RFPL4B: variants seen among roughly 807,000 people sequenced by gnomAD.
RFPL4B encodes the protein ret finger protein-like 4B.
For missense variants in RFPL4B, 314 were observed against 327.7 expected (o/e 0.96, Z 0.32); for synonymous variants, 118 against 126.3 (o/e 0.93, Z 0.44).
At position 112,349,908 on chromosome 6, in the gene RFPL4B, G is replaced by A; in HGVS notation, c.200G>A (p.Ser67Asn). 1 of 1,614,140 alleles carries A rather than the reference G, an allele frequency of 6.2e-7. No homozygotes were observed. The highest frequency in any genetic ancestry group is 8.5e-7 in the Non-Finnish European group (1 of 1,180,006). The part of the protein sequence containing the change: ...KVPALEEWQV[S>N]VLTLMTKQHN... The stretch of plus-strand genomic sequence containing the variant: ...CCTGCTTTGGAAGAATGGCAAGTGA[G>A]CGTCCTAACACTTATGACCAAGCAG... The change falls in exon 3 of 3, where the codon AGC becomes AAC. Residue 67 changes from serine to asparagine, a missense_variant. Coordinates refer to ENST00000441065, the MANE Select transcript of RFPL4B (RefSeq NM_001013734.3).
rs1789118687 is a variant in RFPL4B, at chr6:112,349,222, C to CT, written c.-204dup. The CT allele has an allele frequency of 6.6e-6, 1 of 152,150 alleles. No individual in the cohort carries two copies. Among genetic ancestry groups the CT allele is most frequent in the Admixed American group, 6.6e-5 (1 of 15,264 alleles). 9.4% of individuals were successfully genotyped at this position (152,150 alleles called of 1,614,324 possible). On this transcript the variant is annotated 5_prime_UTR_variant, in exon 2 of 3. Transcript: ENST00000441065. ...TCTACAAAGAAATACTGAGTGGAGA[C>CT]TATACTGAGATTCTGTTAAAGACCC...
rs773290493 is a variant in RFPL4B at position 112,349,731 on chromosome 6, A to AC, written c.23_24insC (p.Glu8AspfsTer26). On this transcript the variant is annotated frameshift_variant, in exon 3 of 3. Coordinates refer to ENST00000441065, the MANE Select transcript of RFPL4B (RefSeq NM_001013734.3). LOFTEE classifies it low-confidence loss of function (END_TRUNC). ...ACCATGGCCAAACGCCTGCAAGCAGAGTTGTCCTGTCCAGTTTGCCTGGAT... is the reference window on the plus strand; with the variant it reads ...ACCATGGCCAAACGCCTGCAAGCAGACGTTGTCCTGTCCAGTTTGCCTGGAT... 6.6e-5 allele frequency: 107 copies of AC among 1,613,828 alleles called. No individual in the cohort carries two copies. The highest frequency in any genetic ancestry group is 8.8e-5 in the Non-Finnish European group (104 of 1,179,962).
At chr6:112,347,470 G>C (rs1430399848) in intron 1 of RFPL4B, 63 bp downstream of exon 1, 3 of 152,182 alleles carry the variant, frequency 2.0e-5, no homozygotes, top group Non-Finnish European at 4.4e-5. Flanking sequence ...CTACAAACTG[G>C]TGTTTTCGAA....
In RFPL4B at chr6:112,350,364, A is replaced by C; in HGVS notation, c.656A>C (p.Gln219Pro). The part of the protein sequence containing the change: ...IFLDADLEEI[Q>P]FFDVDNNVLI... ...CTGGATGCTGACTTAGAAGAAATCC[A>C]GTTTTTTGATGTTGACAATAATGTC... The change falls in exon 3 of 3, where the codon CAG (glutamine) becomes CCG (proline). Residue 219 changes from glutamine (Q) to proline (P), a missense_variant. Transcript: ENST00000441065. 1.2e-6 allele frequency: 2 copies of C among 1,614,234 alleles called. No individual in the cohort carries two copies. The highest frequency in any genetic ancestry group is 2.2e-5 in the South Asian group (2 of 91,086).
Position 112,351,104 on chromosome 6 carries a change from A to C in RFPL4B, c.*604A>C, listed in dbSNP as rs1488200174. The C allele has an allele frequency of 7.8e-5, 13 of 167,138 alleles. No individual in the cohort carries two copies. The highest frequency in any genetic ancestry group is 2.9e-5 in the Non-Finnish European group (2 of 68,150). The allele number at this position is 167,138 out of a possible 1,614,324, so 10.4% of individuals were successfully genotyped here. On this transcript the variant is annotated 3_prime_UTR_variant, in exon 3 of 3. Transcript: ENST00000441065. ...AGACAAAGAACTTTGACCAAAATGC[A>C]TTGTTAATGGTGATTCATATTCTTA...
rs137941934 is a variant in RFPL4B at position 112,350,191 on chromosome 6, C to T, written c.483C>T (p.Gly161=). 17 of 1,614,174 alleles carry T rather than the reference C, an allele frequency of 1.1e-5. No homozygotes were observed. The highest frequency in any genetic ancestry group is 4.0e-5 in the African/African-American group (3 of 75,040). ...GAGAGGTGAAGTCATGGTCCCTGGGCGTCTGCAAGGAGCCGGCTGACAGAA... is the reference window on the plus strand; with the variant it reads ...GAGAGGTGAAGTCATGGTCCCTGGGTGTCTGCAAGGAGCCGGCTGACAGAA... ...EVGEVKSWSL[G]VCKEPADRKS... Residue 161 remains glycine (G), a synonymous_variant, in exon 3 of 3, where the codon GGC becomes GGT. Transcript: ENST00000441065.
Position 112,350,075 on chromosome 6 carries a change from C to T in RFPL4B, c.367C>T (p.His123Tyr). 6.2e-7 allele frequency: 1 copy of T among 1,614,172 alleles called. No homozygotes were observed. Among genetic ancestry groups the T allele is most frequent in the Non-Finnish European group, 8.5e-7 (1 of 1,180,032 alleles). The change falls in exon 3 of 3, where the codon CAC (histidine) becomes TAC (tyrosine). Residue 123 changes from histidine to tyrosine, a missense_variant. Coordinates refer to ENST00000441065, the MANE Select transcript of RFPL4B (RefSeq NM_001013734.3). The stretch of plus-strand genomic sequence containing the variant: ...AAGAAGCGCTCAGTGTAAGAAGATC[C>T]ACCACGATCTGACAAAAGATCCCAG... Reference protein sequence around the residue: ...DLRSAQCKKIHHDLTKDPRLA... With the variant: ...DLRSAQCKKIYHDLTKDPRLA...
chr6:112,347,899 G>A (rs1333404027), intron 1 of RFPL4B, among the ~76,000 whole-genome samples: 3 of 152,172 alleles, frequency 2.0e-5, no homozygotes, highest in Non-Finnish European at 2.9e-5. Context: ...GCTTGAACCC[G>A]GGAGGCAGAG....
Position 112,350,769 on chromosome 6 carries a change from CTCAG to C in RFPL4B, c.*273_*276del, listed in dbSNP as rs1789144181. ...AGTCTGTAGATGCGGATAATTGTAT[CTCAG>C]TCAAACAGCTGTGGTAATTAGAGAC... On this transcript the variant is annotated 3_prime_UTR_variant, in exon 3 of 3. Transcript: ENST00000441065. 8.4e-6 allele frequency: 3 copies of C among 355,448 alleles called. No individual in the cohort carries two copies. Among genetic ancestry groups the C allele is most frequent in the Admixed American group, 8.5e-5 (2 of 23,528 alleles). 22.0% of individuals were successfully genotyped at this position (355,448 alleles called of 1,614,324 possible).
chr6:112,350,423 G>C lies in RFPL4B; in HGVS notation c.715G>C (p.Glu239Gln), dbSNP rs750842107. The change falls in exon 3 of 3, where the codon GAG (glutamate) becomes CAG (glutamine). Residue 239 changes from glutamate to glutamine, a missense_variant. By Grantham distance (29) the Glu-to-Gln change is conservative. Transcript: ENST00000441065. ...TACACATGATGGTTTCTTCTCTTTGGAGCTTTTGTGTCCATTCTTCTGTCT... is the reference window on the plus strand; with the variant it reads ...TACACATGATGGTTTCTTCTCTTTGCAGCTTTTGTGTCCATTCTTCTGTCT... The part of the protein sequence containing the change: ...IYTHDGFFSL[E>Q]LLCPFFCLEL... 1.9e-6 allele frequency: 3 copies of C among 1,613,492 alleles called. No individual in the cohort carries two copies. In the Admixed American group the frequency reaches 5.0e-5, roughly 27 times the overall value.
rs1027699207 is a variant in RFPL4B at position 112,348,486 on chromosome 6, G to A, written c.-234-707G>A. 4.6e-5 allele frequency among the ~76,000 whole-genome samples: 7 copies of A among 152,220 alleles called. No individual in the cohort carries two copies. In the South Asian group the frequency reaches 1.2e-3, roughly 27 times the overall value. On this transcript the variant is annotated intron_variant, in intron 1 of 2. Transcript: ENST00000441065. ...GATGTAGGACAGTTCTAGTAACTCA[G>A]TCTTAGGCTGGCCTCATCGGTGTTC...
intron 1 of RFPL4B, among the ~76,000 whole-genome samples, chr6:112,348,342 A>T (rs1472424261): frequency 1.3e-5 from 2 of 152,194 alleles, no homozygotes; most frequent in Admixed American, 6.5e-5. Context: ...ACAAAGTTTT[A>T]TGTGGGCAGA....
intron 1 of RFPL4B, among the ~76,000 whole-genome samples, chr6:112,348,843 G>T (rs1412263760): frequency 6.6e-6 from 1 of 152,200 alleles, no homozygotes; most frequent in East Asian, 1.9e-4. Flanking sequence ...AGCAGTTGGG[G>T]TAACAGGAGG....
At position 112,349,929 on chromosome 6, in the gene RFPL4B, A is replaced by G. The variant is rs1394075877; in HGVS notation, c.221A>G (p.Lys74Arg). 6.2e-7 allele frequency: 1 copy of G among 1,614,112 alleles called. No individual in the cohort carries two copies. Among genetic ancestry groups the G allele is most frequent in the East Asian group, 2.2e-5 (1 of 44,902 alleles). ...GTGAGCGTCCTAACACTTATGACCA[A>G]GCAGCACAATAGCCGACTTGAGCAA... ...WQVSVLTLMT[K>R]QHNSRLEQSL... The change falls in exon 3 of 3, where the codon AAG becomes AGG. Residue 74 changes from lysine (K) to arginine (R), a missense_variant. By Grantham distance (26) the Lys-to-Arg change is conservative. Transcript: ENST00000441065.
At chr6:112,348,869 G>A (rs969946377) in intron 1 of RFPL4B, among the ~76,000 whole-genome samples, 2 of 152,180 alleles carry the variant, frequency 1.3e-5, no homozygotes, top group Admixed American at 6.5e-5. Context: ...TTCCTTGTCT[G>A]GAACATCTTT....
rs1789137043 is a variant in RFPL4B, at chr6:112,350,305, T to G, written c.597T>G (p.Pro199=). 6.2e-7 allele frequency: 1 copy of G among 1,614,124 alleles called. No homozygotes were observed. Among genetic ancestry groups the G allele is most frequent in the African/African-American group, 1.3e-5 (1 of 74,956 alleles). Reference sequence around the variant, plus strand: ...CTAACACCCACCTGGAGAGAATTCCTGCAAGCCCTCGCCTTCGCCGTGTGG... The same window carrying G: ...CTAACACCCACCTGGAGAGAATTCCGGCAAGCCCTCGCCTTCGCCGTGTGG... ...IHANTHLERI[P]ASPRLRRVGI... Residue 199 remains proline, a synonymous_variant, in exon 3 of 3, where the codon CCT becomes CCG. Transcript: ENST00000441065.
In RFPL4B at chr6:112,350,039, T is replaced by C; in HGVS notation, c.331T>C (p.Ser111Pro). ...CACTGCCAGCTCCCTCCTTGTCTTC[T>C]CCAATGATCTAAGAAGCGCTCAGTG... ...AATASSLLVF[S>P]NDLRSAQCKK... The change falls in exon 3 of 3, where the codon TCC becomes CCC. Residue 111 changes from serine to proline, a missense_variant. Coordinates refer to ENST00000441065, the MANE Select transcript of RFPL4B (RefSeq NM_001013734.3). 6.2e-7 allele frequency: 1 copy of C among 1,614,148 alleles called. No individual in the cohort carries two copies. The highest frequency in any genetic ancestry group is 2.2e-5 in the East Asian group (1 of 44,886).
chr6:112,349,454 C>T (rs907778023), intron 2 of RFPL4B, 133 bp downstream of exon 2: 2 of 156,416 alleles, frequency 1.3e-5, no homozygotes, highest in African/African-American at 2.4e-5. Flanking sequence ...AATTTAGTGT[C>T]ACTTTCATAC....
rs989135737 is a variant in RFPL4B at position 112,351,293 on chromosome 6, T to C, written c.*793T>C. 1.2e-5 allele frequency: 2 copies of C among 163,376 alleles called. No homozygotes were observed. Among genetic ancestry groups the C allele is most frequent in the Admixed American group, 6.5e-5 (1 of 15,276 alleles). 10.1% of individuals were successfully genotyped at this position (163,376 alleles called of 1,614,324 possible). On this transcript the variant is annotated 3_prime_UTR_variant, in exon 3 of 3. Transcript: ENST00000441065. Reference sequence around the variant, plus strand: ...TTCTTGCAAATAAATTTATAAAGCATTGGATGTGTTCATGTTTATGCTGTT... The same window carrying C: ...TTCTTGCAAATAAATTTATAAAGCACTGGATGTGTTCATGTTTATGCTGTT...
Sources: gnomAD v4.1 joint callset for allele counts (sites outside exome capture counted in the v4.1 genomes callset) on GRCh38, gnomAD v4.1.1 for gene constraint, MANE v1.5 for transcripts, NCBI Gene and HGNC (gene_info 2026-07-23, HGNC 2026-07-21) for gene names.